CCNB3: variants seen among roughly 807,000 people sequenced by gnomAD.
CCNB3 encodes cyclin B3, also known as G2/mitotic-specific cyclin-B3.
In CCNB3, 12 loss-of-function variants were observed where a neutral mutation model predicts 68.0. That is an observed-to-expected ratio of 0.18 (90% CI 0.11 to 0.29). CCNB3 has a LOEUF of 0.29. Among genes scored for constraint, CCNB3 ranks in the 10% least tolerant of loss-of-function variants. The pLI, the probability that CCNB3 is intolerant of heterozygous loss-of-function variation, is 1.00. For missense variants in CCNB3, 904 were observed against 993.1 expected (o/e 0.91, Z 1.21); for synonymous variants, 354 against 388.9 (o/e 0.91, Z 1.06).
intron 11 of CCNB3, 33 bp from the exon 12 acceptor site, chrX:50,351,208 A>G: frequency 8.3e-7 from 1 of 1,207,613 alleles, no homozygotes; most frequent in Non-Finnish European, 1.1e-6. Flanking sequence ...TGCTTCCTAT[A>G]GTAGAAATCA....
At chrX:50,279,605 T>C (rs929041976) in intron 1 of CCNB3, among the ~76,000 whole-genome samples, 30 of 89,066 alleles carry the variant, frequency 3.4e-4, no homozygotes, top group African/African-American at 1.2e-3. Flanking sequence ...TGTAAATGTA[T>C]ATGCATATGT....
At chrX:50,280,233 GTATAGAATATAGATATAAATATCTA>G (rs1370728770) in intron 1 of CCNB3, among the ~76,000 whole-genome samples, 18 of 33,513 alleles carry the variant, frequency 5.4e-4, no homozygotes, top group South Asian at 2.1e-3. Flanking sequence ...ATAAATATAT[GTATAGAATATAGATATAAATATCTA>G]TATAGAATAT....
chrX:50,323,875 T>C (rs1043096296), intron 8 of CCNB3, among the ~76,000 whole-genome samples: 2 of 112,414 alleles, frequency 1.8e-5, no homozygotes, highest in African/African-American at 6.5e-5. Context: ...AATTGTATTT[T>C]CCTTGAAGAA....
At chrX:50,299,184 G>A (rs1557211799) in intron 5 of CCNB3, among the ~76,000 whole-genome samples, 1 of 111,245 alleles carries the variant, frequency 9.0e-6, no homozygotes, top group Non-Finnish European at 1.9e-5. Flanking sequence ...GCTTTTGAAT[G>A]TGTTTGCTCT....
chrX:50,292,253 AG>A (rs1936361598), intron 4 of CCNB3, among the ~76,000 whole-genome samples: 1 of 110,889 alleles, frequency 9.0e-6, no homozygotes, highest in Non-Finnish European at 1.9e-5. Context: ...CCTCCAGTAA[AG>A]GATCCAGGCT....
At chrX:50,339,251 T>C (rs1214877022) in intron 8 of CCNB3, among the ~76,000 whole-genome samples, 1 of 112,199 alleles carries the variant, frequency 8.9e-6, no homozygotes. Context: ...AGTCAATATA[T>C]GTAAGATGTA....
chrX:50,225,184 T>C (rs1040727533), intron 1 of CCNB3, among the ~76,000 whole-genome samples: 1 of 111,041 alleles, frequency 9.0e-6, no homozygotes, highest in Non-Finnish European at 1.9e-5. Context: ...AAGGCCTCTC[T>C]GAAGAGGGGA....
intron 11 of CCNB3, among the ~76,000 whole-genome samples, chrX:50,348,668 A>G (rs1389132888): frequency 8.9e-6 from 1 of 112,878 alleles, no homozygotes; most frequent in East Asian, 2.8e-4. Context: ...CACTTTGTGT[A>G]TTAACTCATT....
chrX:50,280,435 C>G (rs1328516338), intron 1 of CCNB3, among the ~76,000 whole-genome samples: 1 of 108,334 alleles, frequency 9.2e-6, no homozygotes, highest in Non-Finnish European at 1.9e-5. Flanking sequence ...TAGCAAAGTA[C>G]AATTTTGTCA....
chrX:50,228,246 T>C (rs1386467413), intron 1 of CCNB3, among the ~76,000 whole-genome samples: 1 of 84,723 alleles, frequency 1.2e-5, no homozygotes, highest in Non-Finnish European at 2.1e-5. Context: ...ATAGAATATA[T>C]ATAAATACAT....
rs1921162520 is a variant in CCNB3 at position 50,307,812 on chromosome X, G to A, written c.336-693G>A. On this transcript the variant is annotated intron_variant, in intron 5 of 12. Coordinates refer to ENST00000376042, the MANE Select transcript of CCNB3 (RefSeq NM_033031.3). ...ATCATATGATATCTGGTCTTTAGAA[G>A]GTATTTACTCCTGCTCAGATTGGTG... Among the ~76,000 whole-genome samples the A allele has an allele frequency of 1.8e-5, 2 of 111,101 alleles. 1 individual carries two copies. Among genetic ancestry groups the A allele is most frequent in the South Asian group, 7.6e-4 (2 of 2,619 alleles).
intron 1 of CCNB3, among the ~76,000 whole-genome samples, chrX:50,228,300 T>C (rs1203016367): frequency 2.2e-5 from 2 of 92,968 alleles, no homozygotes; most frequent in East Asian, 3.1e-4. Flanking sequence ...TAAATACATA[T>C]ATAGAGAATA....
chrX:50,306,575 C>T (rs1471365334), intron 5 of CCNB3, among the ~76,000 whole-genome samples: 1 of 111,885 alleles, frequency 8.9e-6, no homozygotes, highest in Non-Finnish European at 1.9e-5. Flanking sequence ...ATCAGTCTTT[C>T]ACCATCAAGT....
chrX:50,228,729 A>G (rs1322982746), intron 1 of CCNB3, among the ~76,000 whole-genome samples: 30 of 81,337 alleles, frequency 3.7e-4, no homozygotes, highest in African/African-American at 1.3e-3. Context: ...GAATATATAT[A>G]GAATATAGAA....
Position 50,227,642 on chromosome X carries a change from T to G in CCNB3, c.-113+22692T>G, listed in dbSNP as rs1276969850. ...TATATATAGAGAGAATACATATATATAGAGAGAATATATATAAAAATATAT... is the reference window on the plus strand; with the variant it reads ...TATATATAGAGAGAATACATATATAGAGAGAGAATATATATAAAAATATAT... On this transcript the variant is annotated intron_variant, in intron 1 of 12. Coordinates refer to ENST00000376042, the MANE Select transcript of CCNB3 (RefSeq NM_033031.3). 4.9e-3 allele frequency among the ~76,000 whole-genome samples: 423 copies of G among 87,206 alleles called. 3 individuals carry two copies. The highest frequency in any genetic ancestry group is 0.01 in the African/African-American group (244 of 24,085). 75.7% of individuals were successfully genotyped at this position (87,206 alleles called of 115,157 possible). A position where few individuals can be genotyped will look rare whatever the true frequency, so the allele number is the denominator to read the frequency against.
intron 1 of CCNB3, among the ~76,000 whole-genome samples, chrX:50,225,840 G>T (rs1014230456): frequency 9.4e-6 from 1 of 105,978 alleles, no homozygotes; most frequent in Non-Finnish European, 1.9e-5. Flanking sequence ...GTGTCTATTA[G>T]ACATCCAAGT....
Position 50,226,841 on chromosome X carries a change from GTA to G in CCNB3, c.-113+21900_-113+21901del, listed in dbSNP as rs1442318150. 1.2e-3 allele frequency among the ~76,000 whole-genome samples: 66 copies of G among 52,934 alleles called. 2 individuals are homozygous for G. Among genetic ancestry groups the G allele is most frequent in the African/African-American group, 5.5e-3 (64 of 11,599 alleles). 46.0% of individuals were successfully genotyped at this position (52,934 alleles called of 115,157 possible). On this transcript the variant is annotated intron_variant, in intron 1 of 12. Coordinates refer to ENST00000376042, the MANE Select transcript of CCNB3 (RefSeq NM_033031.3). ...ATAAATATATACATGAATATATATA[GTA>G]TATATATAGAATATATATAGAATAT...
At position 50,280,281 on chromosome X, in the gene CCNB3, A is replaced by C. The variant is rs1042701858; in HGVS notation, c.-112-4261A>C. On this transcript the variant is annotated intron_variant, in intron 1 of 12. Transcript: ENST00000376042. ...CTATATAGAATATAGATATAAATATATGTATAGAATATAGATATAAATATA... is the reference window on the plus strand; with the variant it reads ...CTATATAGAATATAGATATAAATATCTGTATAGAATATAGATATAAATATA... 1.6e-4 allele frequency among the ~76,000 whole-genome samples: 16 copies of C among 97,366 alleles called. 1 individual carries two copies. Among genetic ancestry groups the C allele is most frequent in the Middle Eastern group, 0.013 (2 of 151 alleles). 84.6% of individuals were successfully genotyped at this position (97,366 alleles called of 115,157 possible). A position where few individuals can be genotyped will look rare whatever the true frequency, so the allele number is the denominator to read the frequency against.
intron 1 of CCNB3, among the ~76,000 whole-genome samples, chrX:50,211,229 C>T (rs1185533816): frequency 2.7e-5 from 3 of 111,803 alleles, no homozygotes; most frequent in African/African-American, 9.8e-5. Context: ...CGCCACTGCA[C>T]TCCAGCCTGG....
Sources: gnomAD v4.1 joint callset for allele counts (sites outside exome capture counted in the v4.1 genomes callset) on GRCh38, gnomAD v4.1.1 for gene constraint, MANE v1.5 for transcripts, NCBI Gene and HGNC (gene_info 2026-07-23, HGNC 2026-07-21) for gene names.